The following SCTR variants were observed in gnomAD, a reference collection of about 807,000 sequenced individuals.
SCTR encodes secretin receptor.
Under a neutral mutation model 60.8 loss-of-function variants are expected in SCTR, and 56 were observed. The observed-to-expected ratio is 0.92, with a 90% confidence interval of 0.74 to 1.15. The LOEUF (loss-of-function observed/expected upper bound fraction) is 1.15. Among genes scored for constraint, SCTR ranks in the 50% most tolerant of loss-of-function variants. SCTR has a pLI of 0.00. For synonymous variants in SCTR, 202 were observed against 217.0 expected (o/e 0.93, Z 0.61); for missense variants, 562 against 550.4 (o/e 1.02, Z -0.21).
rs3731600 is a variant in SCTR, at chr2:119,473,494, C to G, written c.364G>C (p.Ala122Pro). 8.0e-4 allele frequency: 1,292 copies of G among 1,614,040 alleles called. 35 individuals are homozygous for G. In the East Asian group the frequency reaches 0.029, roughly 36 times the overall value. ...WSETFPRPNL[A>P]CGVNVNDSSN... ...GAGTCGTTCACATTAACGCCACAGGCCAGATTAGGCCTGGGGAAGGTTTCT... is the reference window on the plus strand; with the variant it reads ...GAGTCGTTCACATTAACGCCACAGGGCAGATTAGGCCTGGGGAAGGTTTCT... Residue 122 changes from alanine to proline, a missense_variant, in exon 4 of 13, where the codon GCC becomes CCC. By Grantham distance (27) the Ala-to-Pro change is conservative (BLOSUM62 -1). Coordinates refer to ENST00000019103, the MANE Select transcript of SCTR (RefSeq NM_002980.3).
At chr2:119,471,746 C>T (rs1558854968) in intron 4 of SCTR, among the ~76,000 whole-genome samples, 1 of 152,084 alleles carries the variant, frequency 6.6e-6, no homozygotes, top group Non-Finnish European at 1.5e-5. Context: ...ACTCCCTGGG[C>T]GGGGCACACA....
chr2:119,451,814 C>G (rs568559690), intron 9 of SCTR, among the ~76,000 whole-genome samples, 196 bp downstream of exon 9: 47 of 152,318 alleles, frequency 3.1e-4, no homozygotes, highest in Admixed American at 8.5e-4. Flanking sequence ...CCAGCTTACC[C>G]CTCACTGCAC....
chr2:119,513,423 T>C (rs1452684631), intron 1 of SCTR, among the ~76,000 whole-genome samples: 3 of 152,172 alleles, frequency 2.0e-5, no homozygotes, highest in African/African-American at 7.2e-5. Flanking sequence ...TCCTCAAAAA[T>C]TTAATAAGAG....
intron 5 of SCTR, among the ~76,000 whole-genome samples, chr2:119,464,833 C>T (rs776536939): frequency 6.6e-6 from 1 of 152,104 alleles, no homozygotes; most frequent in Admixed American, 6.6e-5. Flanking sequence ...GGGGTGAGGA[C>T]GGCAACCAGA....
chr2:119,473,484 A>G lies in SCTR; in HGVS notation c.374T>C (p.Val125Ala). 6.2e-7 allele frequency: 1 copy of G among 1,613,620 alleles called. No individual in the cohort carries two copies. The highest frequency in any genetic ancestry group is 8.5e-7 in the Non-Finnish European group (1 of 1,179,746). Reference sequence around the variant, plus strand: ...CTCGTTGGAAGAGTCGTTCACATTAACGCCACAGGCCAGATTAGGCCTGGG... The same window carrying G: ...CTCGTTGGAAGAGTCGTTCACATTAGCGCCACAGGCCAGATTAGGCCTGGG... ...TFPRPNLACGVNVNDSSNEKR... is the reference protein window; with the variant it reads ...TFPRPNLACGANVNDSSNEKR... The change falls in exon 4 of 13, where the codon GTT becomes GCT. Residue 125 changes from valine (V) to alanine (A), a missense_variant. Val to Ala is a moderately conservative substitution (Grantham distance 64). Transcript: ENST00000019103.
At chr2:119,507,274 C>A (rs2579604) in intron 1 of SCTR, among the ~76,000 whole-genome samples, 109,039 of 152,130 alleles carry the variant, frequency 0.72, 39,572 homozygotes, top group East Asian at 0.91. Context: ...TCAAGACAAA[C>A]TTATATGTAC....
At chr2:119,440,735 G>T (rs1022180695) in intron 12 of SCTR, among the ~76,000 whole-genome samples, 1 of 152,140 alleles carries the variant, frequency 6.6e-6, no homozygotes, top group Admixed American at 6.5e-5. Context: ...GGTCCCCAGT[G>T]ATTTTAAGTG....
intron 1 of SCTR, among the ~76,000 whole-genome samples, chr2:119,503,958 A>G (rs868338978): frequency 1.5e-4 from 23 of 152,334 alleles, no homozygotes; most frequent in East Asian, 3.9e-4. Flanking sequence ...CCTTTCAACA[A>G]AATTAATTCT....
chr2:119,520,604 T>C (rs1429597392), intron 1 of SCTR, among the ~76,000 whole-genome samples: 2 of 152,206 alleles, frequency 1.3e-5, no homozygotes, highest in Non-Finnish European at 2.9e-5. Context: ...GCGACCACCA[T>C]GTACTGAAGG....
chr2:119,448,713 C>G lies in SCTR; in HGVS notation c.989G>C (p.Arg330Thr), dbSNP rs1683026707. 6.3e-6 allele frequency: 10 copies of G among 1,597,902 alleles called. No individual in the cohort carries two copies. Among genetic ancestry groups the G allele is most frequent in the Non-Finnish European group, 8.6e-6 (10 of 1,165,248 alleles). Reference protein sequence around the residue: ...LMRKLRTQETRGNEVSHYKRL... With the variant: ...LMRKLRTQETTGNEVSHYKRL... ...CTTATAATGGCTGACTTCATTTCCT[C>G]TTGTTTCTTGGGTTCTAAGTTTTCT... The change falls in exon 10 of 13, where the codon AGA becomes ACA. Residue 330 changes from arginine (R) to threonine (T), a missense_variant. Transcript: ENST00000019103.
rs1451314469 is a variant in SCTR, at chr2:119,456,503, A to G, written c.791-3156T>C. ...GGAGGATGTGCTCCAACACAACTAGAGAGTGAACCAAAGACAGGGAGATGA... is the reference window on the plus strand; with the variant it reads ...GGAGGATGTGCTCCAACACAACTAGGGAGTGAACCAAAGACAGGGAGATGA... On this transcript the variant is annotated intron_variant, in intron 7 of 12. Coordinates refer to ENST00000019103, the MANE Select transcript of SCTR (RefSeq NM_002980.3). Among the ~76,000 whole-genome samples, 3 of 152,184 alleles carry G rather than the reference A, an allele frequency of 2.0e-5. No homozygotes were observed. The East Asian group carries it at 5.8e-4, about 29-fold the overall frequency.
intron 1 of SCTR, among the ~76,000 whole-genome samples, chr2:119,494,915 GTT>G (rs1162500129): frequency 1.3e-5 from 2 of 152,118 alleles, no homozygotes; most frequent in Non-Finnish European, 2.9e-5. Flanking sequence ...AAAGCTTAGT[GTT>G]TTTTGTTTTC....
At chr2:119,461,811 A>G (rs375428475) in intron 7 of SCTR, 36 bp downstream of exon 7, 151 of 1,571,512 alleles carry the variant, frequency 9.6e-5, no homozygotes, top group Middle Eastern at 1.7e-4. Flanking sequence ...CCCTTCCCAC[A>G]TACCATGCAG....
At chr2:119,479,078 T>C in intron 2 of SCTR, 160 bp from the exon 3 acceptor site, 1 of 1,456,234 alleles carries the variant, frequency 6.9e-7, no homozygotes, top group Non-Finnish European at 9.1e-7. Flanking sequence ...GAACCTATCC[T>C]GTCTAATGCA....
chr2:119,521,362 C>T (rs1679281244), intron 1 of SCTR, among the ~76,000 whole-genome samples: 1 of 152,164 alleles, frequency 6.6e-6, no homozygotes, highest in Non-Finnish European at 1.5e-5. Flanking sequence ...AACAAACACT[C>T]ACTGAGCTCC....
At chr2:119,506,073 G>T (rs576913875) in intron 1 of SCTR, among the ~76,000 whole-genome samples, 1 of 152,280 alleles carries the variant, frequency 6.6e-6, no homozygotes, top group Non-Finnish European at 1.5e-5. Flanking sequence ...AATGTAAAAT[G>T]GTACAGTCAC....
rs1168339728 is a variant in SCTR, at chr2:119,448,719, T to A, written c.983A>T (p.Glu328Val). 6.2e-7 allele frequency: 1 copy of A among 1,601,582 alleles called. No homozygotes were observed. Among genetic ancestry groups the A allele is most frequent in the East Asian group, 2.2e-5 (1 of 44,822 alleles). ...ATGGCTGACTTCATTTCCTCTTGTT[T>A]CTTGGGTTCTAAGTTTTCTCATCAG... ...RILMRKLRTQ[E>V]TRGNEVSHYK... is the part of the protein sequence containing the mutation. The change falls in exon 10 of 13, where the codon GAA becomes GTA. Residue 328 changes from glutamate (E) to valine (V), a missense_variant. Coordinates refer to ENST00000019103, the MANE Select transcript of SCTR (RefSeq NM_002980.3).
intron 7 of SCTR, among the ~76,000 whole-genome samples, chr2:119,456,061 CTT>C (rs34764285): frequency 9.1e-5 from 11 of 121,054 alleles, no homozygotes; most frequent in Non-Finnish European, 1.2e-4. Flanking sequence ...GATTTTTCAA[CTT>C]TTTTTTTTTT....
At chr2:119,493,333 C>T (rs954372107) in intron 2 of SCTR, among the ~76,000 whole-genome samples, 2 of 152,106 alleles carry the variant, frequency 1.3e-5, no homozygotes, top group African/African-American at 4.8e-5. Context: ...GGGGTGTTTC[C>T]ACTTCTTCAT....
Sources: gnomAD v4.1 joint callset for allele counts (sites outside exome capture counted in the v4.1 genomes callset) on GRCh38, gnomAD v4.1.1 for gene constraint, MANE v1.5 for transcripts, NCBI Gene and HGNC (gene_info 2026-07-23, HGNC 2026-07-21) for gene names.